CSPG4: variants seen among roughly 807,000 people sequenced by gnomAD.
CSPG4 encodes the protein chondroitin sulfate proteoglycan 4 (melanoma-associated).
A neutral mutation model predicts 139.3 loss-of-function variants in CSPG4; 74 were observed. The observed-to-expected ratio is 0.53, with a 90% CI of 0.44 to 0.64. The LOEUF (loss-of-function observed/expected upper bound fraction) is 0.64. CSPG4 is among the 30% of genes least tolerant of loss of function. The pLI, the probability that CSPG4 is intolerant of heterozygous loss-of-function variation, is 0.00. For missense variants in CSPG4, 2,565 were observed against 3,148.3 expected, an observed-to-expected ratio of 0.81 and a Z score of 4.43; for synonymous variants, 1,234 against 1,394.2, an observed-to-expected ratio of 0.89 and a Z score of 2.56.
In CSPG4 at chr15:75,682,357, CCT is replaced by C. The variant is rs1893985441; in HGVS notation, c.4884_4885del (p.Gly1629ProfsTer30). 1.9e-6 allele frequency: 3 copies of C among 1,596,700 alleles called. No homozygotes were observed. The highest frequency in any genetic ancestry group is 2.5e-6 in the Non-Finnish European group (3 of 1,179,930). Reference sequence around the variant, plus strand: ...GTCCTGCTGGGCGTGGAACAGCCGGCCTAGCTGGGGGCCCCGCACCACACGGT... The same window carrying C: ...GTCCTGCTGGGCGTGGAACAGCCGGCAGCTGGGGGCCCCGCACCACACGGT... On this transcript the variant is annotated frameshift_variant, in exon 8 of 10. Transcript: ENST00000308508. LOFTEE classifies it high-confidence loss of function.
chr15:75,712,904 C>G, upstream of CSPG4: 2 of 594,812 alleles, frequency 3.4e-6, no homozygotes, highest in East Asian at 6.8e-5. Flanking sequence ...GGCGCAGACC[C>G]GCGCGCCCGC....
intron 1 of CSPG4, among the ~76,000 whole-genome samples, chr15:75,707,177 G>A (rs1473278891): frequency 3.3e-5 from 5 of 151,886 alleles, no homozygotes; most frequent in South Asian, 2.1e-4. Flanking sequence ...GGCTGGTCTC[G>A]AACTCCTGAG....
Position 75,677,130 on chromosome 15 carries a change from C to T in CSPG4, c.5389G>A (p.Gly1797Ser). Residue 1797 changes from glycine (G) to serine (S), a missense_variant, in exon 10 of 10, where the codon GGC becomes AGC. Around this residue, in one of 5 missense-constraint regions of CSPG4, gnomAD observed 2,316 missense variants for 2,818.2 expected, o/e 0.82. Transcript: ENST00000308508. Reference sequence around the variant, plus strand: ...TGGAGGTGGGCACGAAAGTGGAAGCCATCCTGCTGGGTGCCCCCACCGCCG... The same window carrying T: ...TGGAGGTGGGCACGAAAGTGGAAGCTATCCTGCTGGGTGCCCCCACCGCCG... The part of the protein sequence containing the change: ...AHGGGGTQQD[G>S]FHFRAHLQGP... The T allele has an allele frequency of 7.1e-7, 1 of 1,414,470 alleles. No individual in the cohort carries two copies. The highest frequency in any genetic ancestry group is 1.7e-5 in the South Asian group (1 of 58,130). 87.6% of individuals were successfully genotyped at this position (1,414,470 alleles called of 1,614,324 possible). A position where few individuals can be genotyped will look rare whatever the true frequency, so the allele number is the denominator to read the frequency against.
In CSPG4 at chr15:75,689,263, A is replaced by AG; in HGVS notation, c.1801dup (p.Leu601ProfsTer124). The AG allele has an allele frequency of 6.2e-7, 1 of 1,610,568 alleles. No homozygotes were observed. Among genetic ancestry groups the AG allele is most frequent in the Non-Finnish European group, 8.5e-7 (1 of 1,179,716 alleles). On this transcript the variant is annotated frameshift_variant, in exon 3 of 10. Coordinates refer to ENST00000308508, the MANE Select transcript of CSPG4 (RefSeq NM_001897.5). LOFTEE classifies it high-confidence loss of function. Reference sequence around the variant, plus strand: ...AGGCTGGTCTCGGCGCTCCACGGGGAGGCCAGAGGAGGTGCCAAGGACCTG... The same window carrying AG: ...AGGCTGGTCTCGGCGCTCCACGGGGAGGGCCAGAGGAGGTGCCAAGGACCTG...
chr15:75,709,319 T>C (rs1894414618), intron 1 of CSPG4, among the ~76,000 whole-genome samples: 1 of 152,088 alleles, frequency 6.6e-6, no homozygotes, highest in African/African-American at 2.4e-5. Context: ...GGAGGGCATG[T>C]TGGAGGCAAG....
In CSPG4 at chr15:75,688,743, G is replaced by A. The variant is rs1596008918; in HGVS notation, c.2322C>T (p.Ser774=). 6.2e-7 allele frequency: 1 copy of A among 1,612,358 alleles called. No individual in the cohort carries two copies. Among genetic ancestry groups the A allele is most frequent in the Non-Finnish European group, 8.5e-7 (1 of 1,179,602 alleles). ...QVGQEILSNL[S]FPVTIQRATV... ...TGGCTCTCTGGATGGTCACTGGGAA[G>A]GACAGATTGCTCAGGATCTCCTGGC... is the stretch of plus-strand genomic sequence containing the variant. Residue 774 remains serine (S), a synonymous_variant, in exon 3 of 10, where the codon TCC becomes TCT. Transcript: ENST00000308508.
rs1424144446 is a variant in CSPG4 at position 75,677,144 on chromosome 15, C to A, written c.5375G>T (p.Gly1792Val). Residue 1792 changes from glycine to valine, a missense_variant, in exon 10 of 10, where the codon GGC becomes GTC. This residue lies in a region of CSPG4 where 2,316 missense variants were observed against 2,818.2 expected (regional missense o/e 0.82). Transcript: ENST00000308508. Reference protein sequence around the residue: ...GQLVYAHGGGGTQQDGFHFRA... With the variant: ...GQLVYAHGGGVTQQDGFHFRA... Reference sequence around the variant, plus strand: ...AAAGTGGAAGCCATCCTGCTGGGTGCCCCCACCGCCGTGGGCATACACTAG... The same window carrying A: ...AAAGTGGAAGCCATCCTGCTGGGTGACCCCACCGCCGTGGGCATACACTAG... The A allele has an allele frequency of 4.2e-6, 6 of 1,420,814 alleles. No homozygotes were observed. In the African/African-American group the frequency reaches 8.7e-5, roughly 21 times the overall value. The allele number at this position is 1,420,814 out of a possible 1,614,324, so 88.0% of individuals were successfully genotyped here.
At chr15:75,713,151 C>T (rs1394856189), upstream of CSPG4, among the ~76,000 whole-genome samples, 3 of 152,240 alleles carry the variant, frequency 2.0e-5, no homozygotes, top group African/African-American at 7.2e-5. Context: ...CTGTCCCAGC[C>T]CCTACTTCCC....
In CSPG4 at chr15:75,688,658, T is replaced by C. The variant is rs777682035; in HGVS notation, c.2407A>G (p.Thr803Ala). ...AGGGTGGCCTCCAGGTGGGCTGTGG[T>C]GAGGGTCTCCTGCTGGGTGTTCTGA... Reference protein sequence around the residue: ...HTQNTQQETLTTAHLEATLEE... With the variant: ...HTQNTQQETLATAHLEATLEE... The change falls in exon 3 of 10, where the codon ACC becomes GCC. Residue 803 changes from threonine to alanine, a missense_variant. Transcript: ENST00000308508. 2.5e-6 allele frequency: 4 copies of C among 1,612,316 alleles called. No homozygotes were observed. Among genetic ancestry groups the C allele is most frequent in the Non-Finnish European group, 3.4e-6 (4 of 1,179,722 alleles).
chr15:75,677,985 G>T, intron 8 of CSPG4, 99 bp from the exon 9 acceptor site: 2 of 1,168,328 alleles, frequency 1.7e-6, no homozygotes, highest in Non-Finnish European at 2.4e-6. Context: ...GGGCTCTCCT[G>T]GGTGTGCCCA....
At position 75,684,782 on chromosome 15, in the gene CSPG4, G is replaced by A; in HGVS notation, c.4403C>T (p.Pro1468Leu). 1 of 1,613,788 alleles carries A rather than the reference G, an allele frequency of 6.2e-7. No individual in the cohort carries two copies. Among genetic ancestry groups the A allele is most frequent in the Non-Finnish European group, 8.5e-7 (1 of 1,179,912 alleles). Reference sequence around the variant, plus strand: ...GAGGATGGGGGGTTGGTCATTGACAGGCAGGACAGTGACAGTGAAGGCCAC... The same window carrying A: ...GAGGATGGGGGGTTGGTCATTGACAAGCAGGACAGTGACAGTGAAGGCCAC... ...HPVAFTVTVL[P>L]VNDQPPILTT... Residue 1468 changes from proline (P) to leucine (L), a missense_variant, in exon 5 of 10, where the codon CCT becomes CTT. By Grantham distance (98) the Pro-to-Leu change is moderately conservative. Transcript: ENST00000308508.
chr15:75,688,886 C>T lies in CSPG4; in HGVS notation c.2179G>A (p.Ala727Thr). Residue 727 changes from alanine (A) to threonine (T), a missense_variant, in exon 3 of 10, where the codon GCC becomes ACC. Coordinates refer to ENST00000308508, the MANE Select transcript of CSPG4 (RefSeq NM_001897.5). ...AGGVEGAEWWATQAFHQRDVE... is the reference protein window; with the variant it reads ...AGGVEGAEWWTTQAFHQRDVE... ...TCCCGCTGGTGGAACGCCTGTGTGG[C>T]CCACCACTCAGCACCCTCCACCCCA... The T allele has an allele frequency of 6.2e-7, 1 of 1,612,080 alleles. No homozygotes were observed. The highest frequency in any genetic ancestry group is 1.7e-5 in the Admixed American group (1 of 60,018).
In CSPG4 at chr15:75,682,476, G is replaced by A. The variant is rs1893987625; in HGVS notation, c.4784-17C>T. The A allele has an allele frequency of 6.4e-7, 1 of 1,572,924 alleles. No individual in the cohort carries two copies. The highest frequency in any genetic ancestry group is 8.6e-7 in the Non-Finnish European group (1 of 1,163,318). The stretch of plus-strand genomic sequence containing the variant: ...GGACGGACCCTGCCAGAGGCAAAAG[G>A]GGATATCAGATTTTGACTGGGAGCC... On this transcript the variant is annotated splice_polypyrimidine_tract_variant and intron_variant, in intron 7 of 9. Transcript: ENST00000308508.
intron 1 of CSPG4, among the ~76,000 whole-genome samples, chr15:75,705,436 T>C (rs1274207650): frequency 1.3e-5 from 2 of 152,222 alleles, no homozygotes; most frequent in Non-Finnish European, 2.9e-5. Flanking sequence ...AAGATGCTAA[T>C]AGCAGAGTGA....
Position 75,682,887 on chromosome 15 carries a change from G to C in CSPG4, c.4604C>G (p.Thr1535Arg), listed in dbSNP as rs761958703. ...GAPGTEVRSF[T>R]QAQLDGGLVL... ...GAGCCCGCCGTCCAGCTGGGCCTGC[G>C]TGAAGCTGCGCACCTCAGTGCCCGG... The change falls in exon 6 of 10, where the codon ACG becomes AGG. Residue 1535 changes from threonine to arginine, a missense_variant. Physicochemically the swap from Thr to Arg is moderately conservative, Grantham distance 71. Transcript: ENST00000308508. 1.2e-6 allele frequency: 2 copies of C among 1,610,688 alleles called. No homozygotes were observed. The highest frequency in any genetic ancestry group is 1.7e-6 in the Non-Finnish European group (2 of 1,179,570).
At chr15:75,695,959 C>A (rs1327531271) in intron 1 of CSPG4, among the ~76,000 whole-genome samples, 1 of 152,070 alleles carries the variant, frequency 6.6e-6, no homozygotes, top group Non-Finnish European at 1.5e-5. Flanking sequence ...AAGCTAGGCT[C>A]GGCTGCGTGA....
At chr15:75,705,920 CGTAT>C (rs1259494213) in intron 1 of CSPG4, among the ~76,000 whole-genome samples, 2 of 150,422 alleles carry the variant, frequency 1.3e-5, no homozygotes, top group African/African-American at 2.4e-5. Context: ...TGTGTGTGTG[CGTAT>C]GTGTGTCTGT....
At chr15:75,682,814 G>A (rs1159296596) in intron 6 of CSPG4, 29 bp downstream of exon 6, 1 of 1,605,916 alleles carries the variant, frequency 6.2e-7, no homozygotes, top group Non-Finnish European at 8.5e-7. Context: ...TGGGCAGCAG[G>A]AACCCGAGGC....
chr15:75,695,795 G>C (rs1464826849), intron 1 of CSPG4, among the ~76,000 whole-genome samples: 2 of 152,122 alleles, frequency 1.3e-5, no homozygotes, highest in African/African-American at 4.8e-5. Context: ...GGGAGGAATA[G>C]GCAGTCTCAG....
Sources: gnomAD v4.1 joint callset for allele counts (sites outside exome capture counted in the v4.1 genomes callset) on GRCh38, gnomAD v4.1.1 for gene constraint, gnomAD v4.1.1 regional missense constraint, MANE v1.5 for transcripts, NCBI Gene and HGNC (gene_info 2026-07-23, HGNC 2026-07-21) for gene names.